Variants in ABCA12 observed in about 807,000 individuals in gnomAD.
ABCA12 encodes ATP binding cassette subfamily A member 12, also known as glucosylceramide transporter ABCA12.
Under a neutral mutation model 293.5 loss-of-function variants are expected in ABCA12, and 156 were observed. The observed-to-expected ratio is 0.53, with a 90% CI of 0.47 to 0.61. The LOEUF (loss-of-function observed/expected upper bound fraction) is 0.61. Among genes scored for constraint, ABCA12 ranks in the 20% least tolerant of loss-of-function variants. The pLI is 0.00. For synonymous variants in ABCA12, 1,063 were observed against 1,108.0 expected (o/e 0.96, Z 0.81); for missense variants, 2,797 against 3,090.2 (o/e 0.91, Z 2.25).
intron 2 of ABCA12, among the ~76,000 whole-genome samples, chr2:215,084,147 T>G (rs1701995845): frequency 1.3e-5 from 2 of 151,970 alleles, no homozygotes; most frequent in Non-Finnish European, 2.9e-5. Context: ...CTGGCCAAAT[T>G]TTTTTGTTTG....
intron 39 of ABCA12, chr2:214,960,435 AC>A (rs1233855642): frequency 6.6e-6 from 1 of 152,122 alleles, no homozygotes; most frequent in Non-Finnish European, 1.5e-5. Flanking sequence ...CCTTGCAAAT[AC>A]ATTTTACTCC....
chr2:215,134,597 CTCTATATATATATATATA>C (rs1703162345), intron 1 of ABCA12, among the ~76,000 whole-genome samples: 1 of 83,000 alleles, frequency 1.2e-5, no homozygotes, highest in Non-Finnish European at 2.2e-5. Flanking sequence ...CTCTCTCTCT[CTCTATATATATATATATA>C]TAGAGAGAGA....
intron 15 of ABCA12, among the ~76,000 whole-genome samples, chr2:215,014,046 T>C (rs1383591500): frequency 6.6e-6 from 1 of 151,950 alleles, no homozygotes; most frequent in Non-Finnish European, 1.5e-5. Context: ...CCGGGTGTGG[T>C]AGCACACATT....
chr2:215,033,421 C>G (rs10206852), intron 8 of ABCA12, among the ~76,000 whole-genome samples: 1 of 151,940 alleles, frequency 6.6e-6, no homozygotes. Flanking sequence ...TTCTCTTTTT[C>G]GTCAAGCCAT....
chr2:214,997,015 T>A (rs1382636769), intron 23 of ABCA12, among the ~76,000 whole-genome samples: 1 of 152,190 alleles, frequency 6.6e-6, no homozygotes. Context: ...AAAAATCACA[T>A]AATGCTTTAT....
At chr2:215,060,227 C>G (rs1701502272) in intron 3 of ABCA12, among the ~76,000 whole-genome samples, 1 of 152,068 alleles carries the variant, frequency 6.6e-6, no homozygotes, top group African/African-American at 2.4e-5. Flanking sequence ...CTCCGTCTCT[C>G]TTTCCCACTT....
Position 215,018,134 on chromosome 2 carries a change from T to C in ABCA12, c.1658-2A>G, listed in dbSNP as rs775318979. 5 of 1,611,612 alleles carry C rather than the reference T, an allele frequency of 3.1e-6. No homozygotes were observed. The highest frequency in any genetic ancestry group is 3.4e-6 in the Non-Finnish European group (4 of 1,179,150). ...TTTTAAACATTTCTAGTAACTGACCTGCAAGAAGAAAAATGTAAAAAGAAA... is the reference window on the plus strand; with the variant it reads ...TTTTAAACATTTCTAGTAACTGACCCGCAAGAAGAAAAATGTAAAAAGAAA... On this transcript the variant is annotated splice_acceptor_variant, in intron 13 of 52. Transcript: ENST00000272895. LOFTEE classifies it high-confidence loss of function.
Position 215,045,873 on chromosome 2 carries a change from AGTGAT to A in ABCA12, c.831_835del (p.Ser278LysfsTer5). On this transcript the variant is annotated frameshift_variant, in exon 7 of 53. Transcript: ENST00000272895. LOFTEE classifies it high-confidence loss of function. Reference sequence around the variant, plus strand: ...TCGAAGAACATCAAATAGATTGCTTAGTGATGTGTCATTCTGAAACACATTTGGAA... The same window carrying A: ...TCGAAGAACATCAAATAGATTGCTTAGTGTCATTCTGAAACACATTTGGAA... 1 of 1,613,684 alleles carries A rather than the reference AGTGAT, an allele frequency of 6.2e-7. No individual in the cohort carries two copies. Among genetic ancestry groups the A allele is most frequent in the Non-Finnish European group, 8.5e-7 (1 of 1,179,754 alleles).
Position 214,990,780 on chromosome 2 carries a change from G to C in ABCA12, c.3546C>G (p.Ile1182Met), listed in dbSNP as rs372141716. The C allele has an allele frequency of 1.2e-6, 2 of 1,614,116 alleles. No homozygotes were observed. Among genetic ancestry groups the C allele is most frequent in the East Asian group, 2.2e-5 (1 of 44,866 alleles). ...TNIAALIGSL[I>M]YIIAFFPFIV... ...TAAATGGAAAGAAGGCAATGATGTAGATGAGGCTTCCGATCAGAGCTGCAA... is the reference window on the plus strand; with the variant it reads ...TAAATGGAAAGAAGGCAATGATGTACATGAGGCTTCCGATCAGAGCTGCAA... Residue 1182 changes from isoleucine to methionine, a missense_variant, in exon 24 of 53, where the codon ATC becomes ATG. Ile to Met is a conservative substitution (Grantham distance 10). This residue lies in a region of ABCA12 where 2,130 missense variants were observed against 2,427.0 expected (regional missense o/e 0.88). Coordinates refer to ENST00000272895, the MANE Select transcript of ABCA12 (RefSeq NM_173076.3).
chr2:214,964,105 T>C (rs765837746), intron 39 of ABCA12, among the ~76,000 whole-genome samples: 1 of 152,058 alleles, frequency 6.6e-6, no homozygotes, highest in African/African-American at 2.4e-5. Flanking sequence ...ATGTGATTTA[T>C]CACATAAACA....
rs556478613 is a variant in ABCA12, at chr2:215,024,604, G to A, written c.1287+1069C>T. Among the ~76,000 whole-genome samples the A allele has an allele frequency of 2.0e-5, 3 of 152,288 alleles. No homozygotes were observed. In the South Asian group the frequency reaches 6.2e-4, roughly 32 times the overall value. On this transcript the variant is annotated intron_variant, in intron 11 of 52. Coordinates refer to ENST00000272895, the MANE Select transcript of ABCA12 (RefSeq NM_173076.3). Reference sequence around the variant, plus strand: ...AAGTATATTAGAAATTTTGATGCATGTAGAAGACTAGGGCTAAAATGTAGG... The same window carrying A: ...AAGTATATTAGAAATTTTGATGCATATAGAAGACTAGGGCTAAAATGTAGG...
At chr2:214,950,418 G>GTA (rs1559109380) in intron 45 of ABCA12, among the ~76,000 whole-genome samples, 1 of 144,154 alleles carries the variant, frequency 6.9e-6, no homozygotes, top group Non-Finnish European at 1.5e-5. Flanking sequence ...GTGTGTGTGT[G>GTA]TGTATATATA....
At chr2:215,064,344 G>A in intron 2 of ABCA12, 125 bp from the exon 3 acceptor site, 5 of 943,290 alleles carry the variant, frequency 5.3e-6, no homozygotes, top group Non-Finnish European at 8.3e-6. Flanking sequence ...CCCCAACTGA[G>A]CCCCAACTCT....
chr2:215,118,125 G>A (rs1702722288), intron 1 of ABCA12, among the ~76,000 whole-genome samples: 1 of 152,150 alleles, frequency 6.6e-6, no homozygotes, highest in Non-Finnish European at 1.5e-5. Context: ...TACCCAACAG[G>A]GCATGGTGGC....
At chr2:215,105,597 A>ACG (rs1553545679) in intron 2 of ABCA12, among the ~76,000 whole-genome samples, 6 of 135,262 alleles carry the variant, frequency 4.4e-5, no homozygotes, top group African/African-American at 2.1e-4. Flanking sequence ...ACACACACAC[A>ACG]CACGCACACA....
At chr2:214,960,721 C>T (rs1438605871) in intron 39 of ABCA12, 2 of 152,070 alleles carry the variant, frequency 1.3e-5, no homozygotes, top group African/African-American at 2.4e-5. Context: ...AGATGCTTCC[C>T]ATGGACCACT....
intron 39 of ABCA12, among the ~76,000 whole-genome samples, chr2:214,961,469 G>A (rs1037914044): frequency 6.6e-6 from 1 of 152,088 alleles, no homozygotes; most frequent in Non-Finnish European, 1.5e-5. Flanking sequence ...TCTAAATAAA[G>A]AGCACTAATT....
intron 3 of ABCA12, among the ~76,000 whole-genome samples, chr2:215,056,295 C>G (rs534055021): frequency 6.6e-6 from 1 of 152,062 alleles, no homozygotes; most frequent in South Asian, 2.1e-4. Context: ...CATTCAGAAA[C>G]GAAACCTAAA....
chr2:215,123,724 C>T (rs1277920450), intron 1 of ABCA12, among the ~76,000 whole-genome samples: 2 of 151,956 alleles, frequency 1.3e-5, no homozygotes, highest in Non-Finnish European at 2.9e-5. Context: ...TCTGCATCCA[C>T]ACCAACATCT....
Sources: allele counts gnomAD v4.1 joint callset (sites outside exome capture counted in the v4.1 genomes callset), GRCh38; gene constraint gnomAD v4.1.1; regional missense constraint gnomAD v4.1.1; transcripts MANE v1.5; gene names NCBI Gene and HGNC (gene_info 2026-07-23, HGNC 2026-07-21).